The following TLN2 variants were observed in gnomAD, a reference collection of about 807,000 sequenced individuals.
The protein encoded by TLN2 is talin 2, also known as talin-2.
TLN2 carries 118 observed loss-of-function variants against 294.7 expected under a neutral mutation model. The observed-to-expected ratio is 0.40, with a 90% CI of 0.34 to 0.47. The LOEUF (loss-of-function observed/expected upper bound fraction) is 0.47, where lower values mean the gene tolerates loss of function less well. Among genes scored for constraint, TLN2 ranks in the 20% least tolerant of loss-of-function variants. TLN2 has a pLI of 0.84. For synonymous variants in TLN2, 1,431 were observed against 1,304.5 expected, an observed-to-expected ratio of 1.10 and a Z score of -2.09; for missense variants, 3,083 against 3,282.2, an observed-to-expected ratio of 0.94 and a Z score of 1.48.
intron 19 of TLN2, among the ~76,000 whole-genome samples, chr15:62,703,622 C>CGT (rs1491381089): frequency 3.3e-5 from 2 of 59,732 alleles, no homozygotes; most frequent in African/African-American, 5.4e-5. Context: ...CACACACACA[C>CGT]GCGCGCACAC....
In TLN2 at chr15:62,556,658, T is replaced by C. The variant is rs115034423; in HGVS notation, c.-237-33029T>C. Among the ~76,000 whole-genome samples, 485 of 152,334 alleles carry C rather than the reference T, an allele frequency of 3.2e-3. 4 individuals are homozygous for C. Among genetic ancestry groups the C allele is most frequent in the African/African-American group, 0.011 (465 of 41,568 alleles). On this transcript the variant is annotated intron_variant, in intron 1 of 58. Coordinates refer to ENST00000636159, the MANE Select transcript of TLN2 (RefSeq NM_015059.3). Reference sequence around the variant, plus strand: ...TGACCATTTGTAATCCACTAGACTCTAGGCAGACAGGCATTCCATTTGCAA... The same window carrying C: ...TGACCATTTGTAATCCACTAGACTCCAGGCAGACAGGCATTCCATTTGCAA...
Position 62,653,315 on chromosome 15 carries a change from G to A in TLN2, c.517+1G>A, listed in dbSNP as rs1291500089. 3 of 1,608,146 alleles carry A rather than the reference G, an allele frequency of 1.9e-6. No homozygotes were observed. Among genetic ancestry groups the A allele is most frequent in the African/African-American group, 1.3e-5 (1 of 74,498 alleles). On this transcript the variant is annotated splice_donor_variant, in intron 7 of 58. Transcript: ENST00000636159. LOFTEE classifies it high-confidence loss of function. ...GCCAAGCTGCACACAGATGATGACC[G>A]TAAGTGTTTGCAGAGGAAGCATGAT...
chr15:62,785,054 C>T (rs1222853885), intron 45 of TLN2, among the ~76,000 whole-genome samples: 1 of 152,154 alleles, frequency 6.6e-6, no homozygotes, highest in Non-Finnish European at 1.5e-5. Context: ...TACTTGCATA[C>T]ATAAATATCT....
At chr15:62,644,500 C>G in intron 3 of TLN2, 1 of 456,026 alleles carries the variant, frequency 2.2e-6, no homozygotes. Flanking sequence ...CACTGAATAC[C>G]TCTCAAGGAA....
chr15:62,826,843 A>G (rs1422503698), intron 54 of TLN2, among the ~76,000 whole-genome samples: 2 of 152,228 alleles, frequency 1.3e-5, no homozygotes, highest in Admixed American at 1.3e-4. Flanking sequence ...TTTAAATTAA[A>G]TGCAAAATGT....
In TLN2 at chr15:62,783,794, G is replaced by A. The variant is rs367781225; in HGVS notation, c.5640G>A (p.Pro1880=). Residue 1880 remains proline (P), a synonymous_variant, in exon 45 of 59, where the codon CCG becomes CCA. Coordinates refer to ENST00000636159, the MANE Select transcript of TLN2 (RefSeq NM_015059.3). ...AGATGACTAAGTCGGTTACTAACCC[G>A]GAGGAGTTGGGAGGACTGGCTTCAC... ...QEMMTKSVTN[P]EELGGLASQM... 2.2e-5 allele frequency: 35 copies of A among 1,607,902 alleles called. No individual in the cohort carries two copies. Among genetic ancestry groups the A allele is most frequent in the East Asian group, 9.0e-5 (4 of 44,650 alleles).
chr15:62,778,428 G>A (rs2063872591), intron 43 of TLN2, among the ~76,000 whole-genome samples: 1 of 152,168 alleles, frequency 6.6e-6, no homozygotes, highest in African/African-American at 2.4e-5. Flanking sequence ...GTTAAATAAT[G>A]GAGCCCAAGG....
rs571749865 is a variant in TLN2, at chr15:62,844,408, T to A, written c.*3798T>A. On this transcript the variant is annotated 3_prime_UTR_variant, in exon 59 of 59. Transcript: ENST00000636159. ...TTCCTCTGAGCCCACCTCCCAGCCCTCCAGGGAGCATCAGTGTACCTGAGT... is the reference window on the plus strand; with the variant it reads ...TTCCTCTGAGCCCACCTCCCAGCCCACCAGGGAGCATCAGTGTACCTGAGT... 1 of 152,170 alleles carries A rather than the reference T, an allele frequency of 6.6e-6. No individual in the cohort carries two copies. Among genetic ancestry groups the A allele is most frequent in the East Asian group, 1.9e-4 (1 of 5,168 alleles). 9.4% of individuals were successfully genotyped at this position (152,170 alleles called of 1,614,324 possible). A position where few individuals can be genotyped will look rare whatever the true frequency, so the allele number is the denominator to read the frequency against.
intron 1 of TLN2, among the ~76,000 whole-genome samples, chr15:62,539,717 C>T (rs1471415222): frequency 6.6e-6 from 1 of 152,110 alleles, no homozygotes; most frequent in South Asian, 2.1e-4. Context: ...TGAGCATCTA[C>T]CTGGCATGAA....
intron 1 of TLN2, among the ~76,000 whole-genome samples, chr15:62,417,874 A>G (rs940991376): frequency 1.3e-5 from 2 of 152,124 alleles, no homozygotes; most frequent in East Asian, 1.9e-4. Flanking sequence ...CCCTTTTCCC[A>G]TCTCACATTC....
At chr15:62,714,491 C>T (rs368018135) in intron 22 of TLN2, among the ~76,000 whole-genome samples, 1 of 152,004 alleles carries the variant, frequency 6.6e-6, no homozygotes, top group Admixed American at 6.6e-5. Flanking sequence ...TGTGAGCCAC[C>T]GCGCCCAGCC....
Position 62,697,695 on chromosome 15 carries a change from A to C in TLN2, c.1300A>C (p.Ile434Leu). ...AACCACTTTTCCCGGCAGGTCCACC[A>C]TCTTGCAGCAGCAGTTCAACCGGAC... Reference protein sequence around the residue: ...EESVSPKKSTILQQQFNRTGK... With the variant: ...EESVSPKKSTLLQQQFNRTGK... Residue 434 changes from isoleucine (I) to leucine (L), a missense_variant, in exon 15 of 59, where the codon ATC (isoleucine) becomes CTC (leucine). Ile to Leu is a conservative substitution (Grantham distance 5). Coordinates refer to ENST00000636159, the MANE Select transcript of TLN2 (RefSeq NM_015059.3). The C allele has an allele frequency of 6.3e-7, 1 of 1,597,462 alleles. No homozygotes were observed. Among genetic ancestry groups the C allele is most frequent in the Non-Finnish European group, 8.6e-7 (1 of 1,167,850 alleles).
rs182052880 is a variant in TLN2 at position 62,408,412 on chromosome 15, C to T, written c.-238+17727C>T. 6.6e-5 allele frequency among the ~76,000 whole-genome samples: 10 copies of T among 152,252 alleles called. No individual in the cohort carries two copies. In the East Asian group the frequency reaches 1.9e-3, roughly 29 times the overall value. On this transcript the variant is annotated intron_variant, in intron 1 of 58. Transcript: ENST00000636159. ...TTCTTTTAGCAAGTCTAAGATGGGC[C>T]CCCAAAATTCTGAGCTGCTGGTCAG...
chr15:62,586,411 A>G (rs191807746), intron 1 of TLN2, among the ~76,000 whole-genome samples: 1 of 152,368 alleles, frequency 6.6e-6, no homozygotes, highest in Admixed American at 6.5e-5. Context: ...TTTGTACTTT[A>G]TATCCAACAT....
rs562484848 is a variant in TLN2, at chr15:62,663,870, A to T, written c.788+5972A>T. Reference sequence around the variant, plus strand: ...TACCCAAACTTACAGATTCAGTTCAATTCCAGTCACTTACATAATAATGAG... The same window carrying T: ...TACCCAAACTTACAGATTCAGTTCATTTCCAGTCACTTACATAATAATGAG... On this transcript the variant is annotated intron_variant, in intron 9 of 58. Coordinates refer to ENST00000636159, the MANE Select transcript of TLN2 (RefSeq NM_015059.3). Among the ~76,000 whole-genome samples the T allele has an allele frequency of 2.6e-5, 4 of 152,146 alleles. No homozygotes were observed. In the East Asian group the frequency reaches 7.7e-4, roughly 29 times the overall value.
chr15:62,806,541 T>C (rs1596065469), intron 51 of TLN2, among the ~76,000 whole-genome samples: 1 of 152,210 alleles, frequency 6.6e-6, no homozygotes, highest in South Asian at 2.1e-4. Flanking sequence ...ATAGCAGAAC[T>C]TGGCGAGCTG....
chr15:62,691,001 G>T (rs1217260846), intron 12 of TLN2, among the ~76,000 whole-genome samples: 1 of 140,942 alleles, frequency 7.1e-6, no homozygotes. Context: ...GAGGGAGACC[G>T]TGGAAAGAGA....
Position 62,694,357 on chromosome 15 carries a change from G to C in TLN2, c.1257G>C (p.Glu419Asp), listed in dbSNP as rs750018086. ...KDRFGLEGDE[E>D]STMLEESVSP... ...GATTTGGACTAGAAGGTGATGAGGAGTCAACCATGTTAGAAGAGTCCGTTT... is the reference window on the plus strand; with the variant it reads ...GATTTGGACTAGAAGGTGATGAGGACTCAACCATGTTAGAAGAGTCCGTTT... The change falls in exon 14 of 59, where the codon GAG (glutamate) becomes GAC (aspartate). Residue 419 changes from glutamate to aspartate, a missense_variant. Glu to Asp is a conservative substitution (Grantham distance 45). Transcript: ENST00000636159. The C allele has an allele frequency of 6.2e-7, 1 of 1,614,142 alleles. No homozygotes were observed. Among genetic ancestry groups the C allele is most frequent in the East Asian group, 2.2e-5 (1 of 44,878 alleles).
At chr15:62,701,941 C>A (rs1195935610) in intron 17 of TLN2, 51 bp from the exon 18 acceptor site, 1 of 1,599,690 alleles carries the variant, frequency 6.3e-7, no homozygotes, top group South Asian at 1.1e-5. Flanking sequence ...TGAAAATTCT[C>A]ACCAGAACCA....
Sources: allele counts gnomAD v4.1 joint callset (sites outside exome capture counted in the v4.1 genomes callset), GRCh38; gene constraint gnomAD v4.1.1; transcripts MANE v1.5; gene names NCBI Gene and HGNC (gene_info 2026-07-23, HGNC 2026-07-21).